Variants in RBP2 observed in about 807,000 individuals in gnomAD.
The protein encoded by RBP2 is retinol binding protein 2.
Under a neutral mutation model 17.0 loss-of-function variants are expected in RBP2, and 17 were observed. The ratio of observed to expected loss-of-function variants is 1.00; its 90% CI spans 0.68 to 1.50. The LOEUF (loss-of-function observed/expected upper bound fraction) is 1.50. Ranked by LOEUF, RBP2 falls within the 40% of genes most tolerant of loss-of-function variation. The probability of loss-of-function intolerance (pLI) is 0.00; values close to 1 mark genes in which losing one functional copy is unlikely to be tolerated. For missense variants in RBP2, 158 were observed against 168.2 expected, an observed-to-expected ratio of 0.94 and a Z score of 0.33; for synonymous variants, 48 against 57.1, an observed-to-expected ratio of 0.84 and a Z score of 0.72.
At chr3:139,453,966 G>A (rs1167655913) in intron 3 of RBP2, among the ~76,000 whole-genome samples, 2 of 152,340 alleles carry the variant, frequency 1.3e-5, no homozygotes, top group Admixed American at 6.5e-5. Flanking sequence ...AGCAAGGCTG[G>A]CTGTGAAGGG....
intron 1 of RBP2, among the ~76,000 whole-genome samples, chr3:139,468,865 G>A (rs1280829313): frequency 6.6e-6 from 1 of 152,036 alleles, no homozygotes; most frequent in Non-Finnish European, 1.5e-5. Flanking sequence ...AAGGTCCAAA[G>A]GCAAGCTATT....
Position 139,453,012 on chromosome 3 carries a change from C to A in RBP2, c.*104G>T. 7.6e-7 allele frequency: 1 copy of A among 1,316,050 alleles called. No individual in the cohort carries two copies. The allele number at this position is 1,316,050 out of a possible 1,614,324, so 81.5% of individuals were successfully genotyped here. On this transcript the variant is annotated 3_prime_UTR_variant, in exon 4 of 4. Transcript: ENST00000232217. ...AACCCACCCAGATGCCTTAATGGGG[C>A]TCTGTCAAGAGTGGGAAGGTCCCCA...
In RBP2 at chr3:139,458,474, A is replaced by C. The variant is rs371089779; in HGVS notation, c.252+3638T>G. Among the ~76,000 whole-genome samples, 114 of 152,304 alleles carry C rather than the reference A, an allele frequency of 7.5e-4. 1 individual carries two copies. The South Asian group carries it at 0.022, about 30-fold the overall frequency. ...ATTACTTATTTTATTATTGAGATATAATTCACAAAATATAAAATTCACCCT... is the reference window on the plus strand; with the variant it reads ...ATTACTTATTTTATTATTGAGATATCATTCACAAAATATAAAATTCACCCT... On this transcript the variant is annotated intron_variant, in intron 2 of 3. Transcript: ENST00000232217.
intron 2 of RBP2, among the ~76,000 whole-genome samples, chr3:139,459,833 AGTGT>A (rs56943288): frequency 2.4e-3 from 319 of 134,102 alleles, no homozygotes; most frequent in Non-Finnish European, 3.9e-3. Context: ...GGTGTGTGTG[AGTGT>A]GTGTGTGTGT....
At chr3:139,465,600 T>C (rs1029413406) in intron 1 of RBP2, among the ~76,000 whole-genome samples, 2 of 152,072 alleles carry the variant, frequency 1.3e-5, no homozygotes, top group African/African-American at 2.4e-5. Context: ...ACCATCCCCA[T>C]GTGTGCAATT....
At chr3:139,467,803 G>A (rs1367830581) in intron 1 of RBP2, among the ~76,000 whole-genome samples, 1 of 152,192 alleles carries the variant, frequency 6.6e-6, no homozygotes, top group African/African-American at 2.4e-5. Context: ...TGTTTTGCAA[G>A]GGGCTTGGAC....
At chr3:139,463,280 A>G (rs1292705903) in intron 1 of RBP2, among the ~76,000 whole-genome samples, 3 of 151,138 alleles carry the variant, frequency 2.0e-5, no homozygotes, top group East Asian at 3.9e-4. Flanking sequence ...TCTGCCTCCC[A>G]GGTTCATGCC....
Position 139,452,900 on chromosome 3 carries a change from A to G in RBP2, c.*216T>C. 2 of 576,048 alleles carry G rather than the reference A, an allele frequency of 3.5e-6. No homozygotes were observed. The highest frequency in any genetic ancestry group is 2.3e-5 in the South Asian group (1 of 43,504). 35.7% of individuals were successfully genotyped at this position (576,048 alleles called of 1,614,324 possible). A position where few individuals can be genotyped will look rare whatever the true frequency, so the allele number is the denominator to read the frequency against. Reference sequence around the variant, plus strand: ...AGATCCATATAAAGGGTTTCAAAATATGGGAGTAATTTTTGTTTTTCCATT... The same window carrying G: ...AGATCCATATAAAGGGTTTCAAAATGTGGGAGTAATTTTTGTTTTTCCATT... On this transcript the variant is annotated 3_prime_UTR_variant, in exon 4 of 4. Coordinates refer to ENST00000232217, the MANE Select transcript of RBP2 (RefSeq NM_004164.3).
Position 139,452,933 on chromosome 3 carries a change from A to G in RBP2, c.*183T>C. 1 of 614,542 alleles carries G rather than the reference A, an allele frequency of 1.6e-6. No homozygotes were observed. Among genetic ancestry groups the G allele is most frequent in the Non-Finnish European group, 2.9e-6 (1 of 350,316 alleles). The allele number at this position is 614,542 out of a possible 1,614,324, so 38.1% of individuals were successfully genotyped here. ...AATTTTTGTTTTTCCATTTAATGCTAGGTTTCAAAGGAGGGGAATATGTCT... is the reference window on the plus strand; with the variant it reads ...AATTTTTGTTTTTCCATTTAATGCTGGGTTTCAAAGGAGGGGAATATGTCT... On this transcript the variant is annotated 3_prime_UTR_variant, in exon 4 of 4. Coordinates refer to ENST00000232217, the MANE Select transcript of RBP2 (RefSeq NM_004164.3).
chr3:139,453,310 A>G (rs1943343630), intron 3 of RBP2, 144 bp from the exon 4 acceptor site: 2 of 785,792 alleles, frequency 2.5e-6, no homozygotes, highest in Non-Finnish European at 4.4e-6. Context: ...CACAGACCCA[A>G]TCAGCGGGCA....
At chr3:139,470,726 G>A (rs1036108824) in intron 1 of RBP2, among the ~76,000 whole-genome samples, 5 of 151,842 alleles carry the variant, frequency 3.3e-5, no homozygotes, top group South Asian at 2.1e-4. Flanking sequence ...CCACAGGAAC[G>A]TGCTACCAGG....
In RBP2 at chr3:139,476,394, C is replaced by T; in HGVS notation, c.66G>A (p.Lys22=). The part of the protein sequence containing the change: ...ESNENFEGYM[K]ALDIDFATRK... ...CCCCAGTCTCCTCCTTACCCAGGGC[C>T]TTCATGTAGCCCTCAAAGTTTTCAT... The change falls in exon 1 of 4, where the codon AAG becomes AAA. Residue 22 remains lysine, a synonymous_variant. Transcript: ENST00000232217. The T allele has an allele frequency of 1.2e-6, 2 of 1,613,862 alleles. No individual in the cohort carries two copies. The highest frequency in any genetic ancestry group is 1.7e-5 in the Admixed American group (1 of 60,004).
At chr3:139,465,516 T>C (rs988512818) in intron 1 of RBP2, among the ~76,000 whole-genome samples, 19 of 152,200 alleles carry the variant, frequency 1.2e-4, no homozygotes, top group South Asian at 1.0e-3. Flanking sequence ...GCAGTCGAGA[T>C]GGTACTTGAA....
chr3:139,459,400 A>ATGTGTGTGTGTGCGTG (rs1553721528), intron 2 of RBP2, among the ~76,000 whole-genome samples: 7 of 128,552 alleles, frequency 5.4e-5, no homozygotes, highest in Admixed American at 5.1e-4. Context: ...TACTATATAT[A>ATGTGTGTGTGTGCGTG]TGTGTGTGTG....
intron 2 of RBP2, among the ~76,000 whole-genome samples, chr3:139,459,399 T>C (rs1276411604): frequency 2.2e-5 from 2 of 90,492 alleles, no homozygotes; most frequent in African/African-American, 6.8e-5. Flanking sequence ...CTACTATATA[T>C]ATGTGTGTGT....
chr3:139,453,958 C>A (rs559110144), intron 3 of RBP2, among the ~76,000 whole-genome samples: 2 of 152,292 alleles, frequency 1.3e-5, no homozygotes, highest in East Asian at 3.9e-4. Context: ...TCAGGTGAAG[C>A]AAGGCTGGCT....
intron 1 of RBP2, among the ~76,000 whole-genome samples, chr3:139,468,273 A>G (rs1933430232): frequency 6.6e-6 from 1 of 152,190 alleles, no homozygotes; most frequent in Admixed American, 6.5e-5. Flanking sequence ...ATTTCTTTAC[A>G]AACGCATTCT....
intron 2 of RBP2, among the ~76,000 whole-genome samples, chr3:139,459,681 C>T (rs1304257660): frequency 1.3e-5 from 2 of 151,582 alleles, no homozygotes; most frequent in Non-Finnish European, 2.9e-5. Context: ...GTCTAGCACC[C>T]CCTTCCAGCT....
chr3:139,472,398 C>T (rs1933597759), intron 1 of RBP2, among the ~76,000 whole-genome samples: 1 of 152,208 alleles, frequency 6.6e-6, no homozygotes, highest in Non-Finnish European at 1.5e-5. Context: ...GTCCCTTTTC[C>T]TTGAATGCAG....
Sources: gnomAD v4.1 joint callset for allele counts (sites outside exome capture counted in the v4.1 genomes callset) on GRCh38, gnomAD v4.1.1 for gene constraint, MANE v1.5 for transcripts, NCBI Gene and HGNC (gene_info 2026-07-23, HGNC 2026-07-21) for gene names.